The following RYR2 variants were observed in gnomAD, a reference collection of about 807,000 sequenced individuals.
RYR2 encodes cardiac muscle ryanodine receptor-calcium release channel.
A neutral mutation model predicts 601.1 loss-of-function variants in RYR2; 227 were observed. The ratio of observed to expected loss-of-function variants is 0.38; its 90% CI spans 0.34 to 0.42. The LOEUF (loss-of-function observed/expected upper bound fraction) is 0.42, where lower values mean the gene tolerates loss of function less well. Among genes scored for constraint, RYR2 ranks in the 10% least tolerant of loss-of-function variants. The pLI is 1.00. For synonymous variants in RYR2, 2,223 were observed against 2,175.1 expected, an observed-to-expected ratio of 1.02 and a Z score of -0.61; for missense variants, 4,646 against 6,156.5, an observed-to-expected ratio of 0.75 and a Z score of 8.21.
chr1:237,615,615 C>T (rs1678377752), intron 37 of RYR2, among the ~76,000 whole-genome samples: 2 of 152,128 alleles, frequency 1.3e-5, no homozygotes, highest in South Asian at 4.1e-4. Flanking sequence ...GCATCGCTGA[C>T]CTGCTTTTTT....
intron 10 of RYR2, among the ~76,000 whole-genome samples, chr1:237,402,077 A>G (rs1027856250): frequency 6.6e-6 from 1 of 152,172 alleles, no homozygotes; most frequent in African/African-American, 2.4e-5. Flanking sequence ...TATTAGACAC[A>G]CAGATAATGG....
chr1:237,535,826 G>A (rs1352012074), intron 25 of RYR2, among the ~76,000 whole-genome samples: 2 of 151,990 alleles, frequency 1.3e-5, no homozygotes, highest in Non-Finnish European at 2.9e-5. Flanking sequence ...TAATAAAGAC[G>A]AAAATTCATA....
At chr1:237,050,073 A>G (rs1661063887) in intron 1 of RYR2, among the ~76,000 whole-genome samples, 1 of 151,936 alleles carries the variant, frequency 6.6e-6, no homozygotes, top group African/African-American at 2.4e-5. Flanking sequence ...CCTGTTAGTG[A>G]CGGAGTGTTC....
At chr1:237,362,702 C>G (rs1465559854) in intron 4 of RYR2, among the ~76,000 whole-genome samples, 1 of 152,142 alleles carries the variant, frequency 6.6e-6, no homozygotes, top group Non-Finnish European at 1.5e-5. Flanking sequence ...CCAATTTGAA[C>G]AAGAAATGGT....
At chr1:237,365,504 A>G (rs1170808888) in intron 5 of RYR2, among the ~76,000 whole-genome samples, 1 of 152,210 alleles carries the variant, frequency 6.6e-6, no homozygotes, top group Non-Finnish European at 1.5e-5. Flanking sequence ...AAATAACTCT[A>G]GCTCTTATTT....
intron 38 of RYR2, among the ~76,000 whole-genome samples, chr1:237,617,699 C>T (rs1278605751): frequency 6.6e-6 from 1 of 152,176 alleles, no homozygotes; most frequent in African/African-American, 2.4e-5. Context: ...TCAGGTATAT[C>T]ACCGACTCTT....
intron 10 of RYR2, among the ~76,000 whole-genome samples, chr1:237,416,367 G>A (rs1208951522): frequency 6.6e-6 from 1 of 152,124 alleles, no homozygotes; most frequent in Non-Finnish European, 1.5e-5. Context: ...TAATCTCAAG[G>A]CGTTGGTGCA....
At chr1:237,753,608 T>C (rs1355440124) in intron 80 of RYR2, among the ~76,000 whole-genome samples, 1 of 152,176 alleles carries the variant, frequency 6.6e-6, no homozygotes, top group Non-Finnish European at 1.5e-5. Context: ...ATGTTTTGCC[T>C]AAGGGAAAAT....
intron 75 of RYR2, 122 bp downstream of exon 75, chr1:237,726,430 A>G (rs1313100223): frequency 1.1e-5 from 7 of 660,930 alleles, no homozygotes; most frequent in East Asian, 8.5e-5. Flanking sequence ...TATTAGTTAT[A>G]TAAATAACTT....
chr1:237,708,595 G>A (rs1427903705), intron 68 of RYR2, among the ~76,000 whole-genome samples: 1 of 152,140 alleles, frequency 6.6e-6, no homozygotes, highest in African/African-American at 2.4e-5. Flanking sequence ...CAAAATGAGT[G>A]AAAGTCTTTT....
chr1:237,054,338 CCT>C (rs1318132686), intron 1 of RYR2, among the ~76,000 whole-genome samples: 38 of 147,718 alleles, frequency 2.6e-4, no homozygotes, highest in African/African-American at 8.7e-4. Flanking sequence ...CCCCTCCCCC[CCT>C]CCCTCCATCT....
chr1:237,064,789 T>A (rs984755249), intron 1 of RYR2, among the ~76,000 whole-genome samples: 33 of 148,968 alleles, frequency 2.2e-4, no homozygotes, highest in African/African-American at 7.8e-4. Flanking sequence ...TTTTACTAGA[T>A]CCTGTCTTGA....
intron 77 of RYR2, among the ~76,000 whole-genome samples, chr1:237,731,623 T>C (rs1413578264): frequency 2.0e-5 from 3 of 152,144 alleles, no homozygotes; most frequent in Non-Finnish European, 4.4e-5. Flanking sequence ...GTTATGAAAA[T>C]GCTTATAAGA....
chr1:237,682,537 T>C (rs1423569658), intron 62 of RYR2, among the ~76,000 whole-genome samples: 1 of 152,192 alleles, frequency 6.6e-6, no homozygotes, highest in Non-Finnish European at 1.5e-5. Context: ...TTGCCTACAG[T>C]ATTCGGTACA....
chr1:237,132,339 C>T (rs1672252267), intron 1 of RYR2, among the ~76,000 whole-genome samples: 1 of 152,164 alleles, frequency 6.6e-6, no homozygotes, highest in South Asian at 2.1e-4. Context: ...GGTTGCAGTC[C>T]TGGATGACTC....
At chr1:237,595,468 C>T (rs763509207) in intron 33 of RYR2, 30 bp from the exon 34 acceptor site, 93 of 1,599,400 alleles carry the variant, frequency 5.8e-5, no homozygotes, top group Non-Finnish European at 7.8e-5. Flanking sequence ...TGTGGTTGTA[C>T]AAAGATAAAA....
intron 4 of RYR2, among the ~76,000 whole-genome samples, chr1:237,356,382 A>T (rs1699294917): frequency 6.6e-6 from 1 of 151,670 alleles, no homozygotes; most frequent in Non-Finnish European, 1.5e-5. Flanking sequence ...TTCTGCATGT[A>T]CTGTAGAAGA....
At chr1:237,190,128 A>C (rs1258354778) in intron 1 of RYR2, among the ~76,000 whole-genome samples, 3 of 152,038 alleles carry the variant, frequency 2.0e-5, no homozygotes, top group Non-Finnish European at 4.4e-5. Context: ...ACCTCTGATG[A>C]TCTGCCTGCT....
At chr1:237,398,000 C>T (rs1240349867) in intron 10 of RYR2, among the ~76,000 whole-genome samples, 3 of 152,108 alleles carry the variant, frequency 2.0e-5, no homozygotes, top group Admixed American at 1.3e-4. Flanking sequence ...GGATTACAGG[C>T]ATGAGCCACT....
Sources: allele counts gnomAD v4.1 joint callset (sites outside exome capture counted in the v4.1 genomes callset), GRCh38; gene constraint gnomAD v4.1.1; transcripts MANE v1.5; gene names NCBI Gene and HGNC (gene_info 2026-07-23, HGNC 2026-07-21).